NAT8L: variants seen among roughly 807,000 people sequenced by gnomAD.
The protein encoded by NAT8L is aspartate N-acetyltransferase.
Under a neutral mutation model 21.2 loss-of-function variants are expected in NAT8L, and 6 were observed. The observed-to-expected ratio is 0.28, with a 90% CI of 0.16 to 0.56. The LOEUF (loss-of-function observed/expected upper bound fraction) is 0.56. NAT8L is among the 20% of genes least tolerant of loss of function. NAT8L has a pLI of 0.93. For synonymous variants in NAT8L, 239 were observed against 204.9 expected (o/e 1.17, Z -1.42); for missense variants, 331 against 433.3 (o/e 0.76, Z 2.10).
chr4:2,062,070 G>T (rs1334263834), intron 2 of NAT8L, among the ~76,000 whole-genome samples: 1 of 152,214 alleles, frequency 6.6e-6, no homozygotes, highest in Non-Finnish European at 1.5e-5. Flanking sequence ...AGGGGAAACG[G>T]GCCATGAGGA....
intron 2 of NAT8L, among the ~76,000 whole-genome samples, chr4:2,062,799 C>G (rs1315674453): frequency 6.6e-6 from 1 of 152,154 alleles, no homozygotes; most frequent in Admixed American, 6.5e-5. Flanking sequence ...GGTGCAGAGC[C>G]TCCTTGAGTA....
At position 2,059,486 on chromosome 4, in the gene NAT8L, C is replaced by T. The variant is rs1407658362; in HGVS notation, c.-26C>T. On this transcript the variant is annotated 5_prime_UTR_variant, in exon 1 of 3. Transcript: ENST00000423729. The surrounding 1 kb of genome is among the most constrained non-coding windows in gnomAD (Gnocchi z 4.8). ...GCCCGCCGCCGCCCGGCCGCGTCCC[C>T]GCTGCCGCGCCGCCCGGCCGGGTGC... 2.1e-6 allele frequency: 2 copies of T among 964,464 alleles called. No homozygotes were observed. The highest frequency in any genetic ancestry group is 1.8e-5 in the African/African-American group (1 of 55,780). 59.7% of individuals were successfully genotyped at this position (964,464 alleles called of 1,614,324 possible). A position where few individuals can be genotyped will look rare whatever the true frequency, so the allele number is the denominator to read the frequency against.
chr4:2,059,930 G>T lies in NAT8L; in HGVS notation c.376+43G>T. On this transcript the variant is annotated intron_variant, in intron 1 of 2. Coordinates refer to ENST00000423729, the MANE Select transcript of NAT8L (RefSeq NM_178557.4). This position sits in a 1 kb window ranked among gnomAD's most constrained non-coding sequence, Gnocchi z 4.8. ...CCGGCTGCCGCAGTCCCTCGGGCCG[G>T]CGCGGAGCTCCCCCGCCCCGGCGTC... 9.0e-7 allele frequency: 1 copy of T among 1,113,380 alleles called. No individual in the cohort carries two copies. The highest frequency in any genetic ancestry group is 1.1e-6 in the Non-Finnish European group (1 of 900,450). The allele number at this position is 1,113,380 out of a possible 1,614,324, so 69.0% of individuals were successfully genotyped here.
chr4:2,064,290 C>A lies in NAT8L; in HGVS notation c.*163C>A. ...CTGGCTGGTTCCGGGGGGTGCGGGG[C>A]TGTTGTTCTTCGGCGACACTTTGGT... On this transcript the variant is annotated 3_prime_UTR_variant, in exon 3 of 3. Transcript: ENST00000423729. 1 of 362,738 alleles carries A rather than the reference C, an allele frequency of 2.8e-6. No individual in the cohort carries two copies. Among genetic ancestry groups the A allele is most frequent in the Non-Finnish European group, 4.3e-6 (1 of 232,842 alleles). The allele number at this position is 362,738 out of a possible 1,614,324, so 22.5% of individuals were successfully genotyped here.
At chr4:2,062,522 G>A (rs570044564) in intron 2 of NAT8L, among the ~76,000 whole-genome samples, 5 of 151,980 alleles carry the variant, frequency 3.3e-5, no homozygotes, top group Non-Finnish European at 7.4e-5. Flanking sequence ...ACAGGGGGCC[G>A]AGGAGGGGCA....
At position 2,060,496 on chromosome 4, in the gene NAT8L, G is replaced by A. The variant is rs3135160; in HGVS notation, c.377-502G>A. ...CGGCAGCCGAAATGCGGCTGGAAGCGGTGTGGGGCCTCCCTGCCCTGTCCC... is the reference window on the plus strand; with the variant it reads ...CGGCAGCCGAAATGCGGCTGGAAGCAGTGTGGGGCCTCCCTGCCCTGTCCC... On this transcript the variant is annotated intron_variant, in intron 1 of 2. Coordinates refer to ENST00000423729, the MANE Select transcript of NAT8L (RefSeq NM_178557.4). This position sits in a 1 kb window ranked among gnomAD's most constrained non-coding sequence, Gnocchi z 4.7. 0.74 allele frequency among the ~76,000 whole-genome samples: 112,055 copies of A among 152,166 alleles called. 44,460 individuals carry two copies. Among genetic ancestry groups the A allele is most frequent in the Non-Finnish European group, 0.89 (60,298 of 67,986 alleles).
chr4:2,059,990 C>T lies in NAT8L; in HGVS notation c.376+103C>T. 1 of 628,982 alleles carries T rather than the reference C, an allele frequency of 1.6e-6. No individual in the cohort carries two copies. Among genetic ancestry groups the T allele is most frequent in the South Asian group, 7.5e-5 (1 of 13,356 alleles). 39.0% of individuals were successfully genotyped at this position (628,982 alleles called of 1,614,324 possible). A position where few individuals can be genotyped will look rare whatever the true frequency, so the allele number is the denominator to read the frequency against. Reference sequence around the variant, plus strand: ...CCCGCGCCCGGCTCCCGGGGACCAGCCTGGGAAGCCCCCCGCTTTCTGCCG... The same window carrying T: ...CCCGCGCCCGGCTCCCGGGGACCAGTCTGGGAAGCCCCCCGCTTTCTGCCG... On this transcript the variant is annotated intron_variant, in intron 1 of 2. Coordinates refer to ENST00000423729, the MANE Select transcript of NAT8L (RefSeq NM_178557.4). This position sits in a 1 kb window ranked among gnomAD's most constrained non-coding sequence, Gnocchi z 4.8.
chr4:2,061,337 G>T (rs1174430157), intron 2 of NAT8L, among the ~76,000 whole-genome samples, 175 bp downstream of exon 2: 1 of 152,250 alleles, frequency 6.6e-6, no homozygotes, highest in African/African-American at 2.4e-5. Context: ...CGGGGCTGGG[G>T]GAGGCACGGC....
rs1412174570 is a variant in NAT8L at position 2,067,713 on chromosome 4, ACCTT to A, written c.*3590_*3593del. On this transcript the variant is annotated 3_prime_UTR_variant, in exon 3 of 3. Coordinates refer to ENST00000423729, the MANE Select transcript of NAT8L (RefSeq NM_178557.4). ...GGGCTGTGTGGGCCCTCGTGGGGCC[ACCTT>A]CCTGTCAGTGCCCGAGGGACGGTGG... 1 of 152,212 alleles carries A rather than the reference ACCTT, an allele frequency of 6.6e-6. No homozygotes were observed. 9.4% of individuals were successfully genotyped at this position (152,212 alleles called of 1,614,324 possible). A position where few individuals can be genotyped will look rare whatever the true frequency, so the allele number is the denominator to read the frequency against.
Position 2,066,525 on chromosome 4 carries a change from C to T in NAT8L, c.*2398C>T, listed in dbSNP as rs1232731067. 3 of 152,218 alleles carry T rather than the reference C, an allele frequency of 2.0e-5. No homozygotes were observed. The highest frequency in any genetic ancestry group is 7.2e-5 in the African/African-American group (3 of 41,442). 9.4% of individuals were successfully genotyped at this position (152,218 alleles called of 1,614,324 possible). On this transcript the variant is annotated 3_prime_UTR_variant, in exon 3 of 3. Coordinates refer to ENST00000423729, the MANE Select transcript of NAT8L (RefSeq NM_178557.4). ...CCACTGGGGGGTAGGTGTGTCCTCC[C>T]CCGGGGCTGGAGGCCGGGTGCCTGG...
chr4:2,061,585 G>T (rs1729891074), intron 2 of NAT8L, among the ~76,000 whole-genome samples: 1 of 152,202 alleles, frequency 6.6e-6, no homozygotes, highest in Non-Finnish European at 1.5e-5. Flanking sequence ...TGGGGTGGGG[G>T]CAGGGGACCT....
Position 2,066,368 on chromosome 4 carries a change from G to T in NAT8L, c.*2241G>T. 1 of 152,496 alleles carries T rather than the reference G, an allele frequency of 6.6e-6. No homozygotes were observed. The highest frequency in any genetic ancestry group is 1.5e-5 in the Non-Finnish European group (1 of 68,158). The allele number at this position is 152,496 out of a possible 1,614,324, so 9.4% of individuals were successfully genotyped here. A position where few individuals can be genotyped will look rare whatever the true frequency, so the allele number is the denominator to read the frequency against. ...ACTTGGTAGAGATGGCAGGAAGGGT[G>T]TGCGGGGTGGTTGTGTGCAGAACCC... On this transcript the variant is annotated 3_prime_UTR_variant, in exon 3 of 3. Transcript: ENST00000423729.
intron 2 of NAT8L, among the ~76,000 whole-genome samples, chr4:2,061,854 G>A (rs1344918332): frequency 1.3e-5 from 2 of 152,284 alleles, no homozygotes; most frequent in East Asian, 1.9e-4. Context: ...GTAGGCCAAC[G>A]AGAGGGACAG....
chr4:2,061,307 A>G (rs1180673671), intron 2 of NAT8L, 145 bp downstream of exon 2: 1 of 1,449,774 alleles, frequency 6.9e-7, no homozygotes, highest in African/African-American at 1.4e-5. Flanking sequence ...CTTCTGGGTG[A>G]CCGAGGCCTC....
Position 2,064,076 on chromosome 4 carries a change from C to G in NAT8L, c.858C>G (p.Leu286=). ...PGMTLSLAER[L]FFQVRYHRYR... is the part of the protein sequence containing the mutation. ...TGACCCTCTCGCTGGCTGAGCGCCT[C>G]TTCTTCCAGGTCCGCTACCACCGCT... is the stretch of plus-strand genomic sequence containing the variant. Residue 286 remains leucine, a synonymous_variant, in exon 3 of 3, where the codon CTC becomes CTG. Transcript: ENST00000423729. 3 of 1,608,234 alleles carry G rather than the reference C, an allele frequency of 1.9e-6. No homozygotes were observed. The highest frequency in any genetic ancestry group is 2.5e-6 in the Non-Finnish European group (3 of 1,179,114).
intron 2 of NAT8L, among the ~76,000 whole-genome samples, chr4:2,061,703 C>T (rs933084352): frequency 6.6e-6 from 1 of 151,972 alleles, no homozygotes; most frequent in Non-Finnish European, 1.5e-5. Context: ...TGGGTCTGGG[C>T]TCTAGGGGGG....
chr4:2,059,896 G>A lies in NAT8L; in HGVS notation c.376+9G>A, dbSNP rs1214033955. The A allele has an allele frequency of 7.8e-7, 1 of 1,282,614 alleles. No individual in the cohort carries two copies. The highest frequency in any genetic ancestry group is 1.0e-6 in the Non-Finnish European group (1 of 1,004,494). The allele number at this position is 1,282,614 out of a possible 1,614,324, so 79.5% of individuals were successfully genotyped here. ...CTACGCCCTGCTGGCGGGTCAGTGC[G>A]CCGGGCCCCCGGCTGCCGCAGTCCC... On this transcript the variant is annotated intron_variant, in intron 1 of 2. Coordinates refer to ENST00000423729, the MANE Select transcript of NAT8L (RefSeq NM_178557.4). The surrounding 1 kb of genome is among the most constrained non-coding windows in gnomAD (Gnocchi z 4.8).
chr4:2,059,788 C>G lies in NAT8L; in HGVS notation c.277C>G (p.Arg93Gly). The G allele has an allele frequency of 7.3e-7, 1 of 1,369,762 alleles. No individual in the cohort carries two copies. The highest frequency in any genetic ancestry group is 2.6e-5 in the Admixed American group (1 of 39,144). The allele number at this position is 1,369,762 out of a possible 1,614,324, so 84.9% of individuals were successfully genotyped here. The change falls in exon 1 of 3, where the codon CGC (arginine) becomes GGC (glycine). Residue 93 changes from arginine to glycine, a missense_variant. Physicochemically the swap from Arg to Gly is moderately radical, Grantham distance 125 (BLOSUM62 -2). This residue lies in a region of NAT8L where 199 missense variants were observed against 196.1 expected (regional missense o/e 1.01). Coordinates refer to ENST00000423729, the MANE Select transcript of NAT8L (RefSeq NM_178557.4). The surrounding 1 kb of genome is among the most constrained non-coding windows in gnomAD (Gnocchi z 4.8). ...TGCGGCCGAGCAGGAGGCGGCGCGCCGCATCTTCTACGACGGCATCATGGA... is the reference window on the plus strand; with the variant it reads ...TGCGGCCGAGCAGGAGGCGGCGCGCGGCATCTTCTACGACGGCATCATGGA... The part of the protein sequence containing the change: ...FRAAEQEAAR[R>G]IFYDGIMERI...
At position 2,063,929 on chromosome 4, in the gene NAT8L, G is replaced by C. The variant is rs770514270; in HGVS notation, c.711G>C (p.Val237=). ...ALGRKVLEFA[V]VHNYSAVVLG... ...GCCGGAAGGTGCTGGAGTTCGCCGT[G>C]GTGCACAACTACTCCGCGGTGGTGC... The change falls in exon 3 of 3, where the codon GTG becomes GTC. Residue 237 remains valine (V), a synonymous_variant. Coordinates refer to ENST00000423729, the MANE Select transcript of NAT8L (RefSeq NM_178557.4). 6 of 1,611,936 alleles carry C rather than the reference G, an allele frequency of 3.7e-6. No individual in the cohort carries two copies. Among genetic ancestry groups the C allele is most frequent in the Non-Finnish European group, 5.1e-6 (6 of 1,179,838 alleles).
Sources: gnomAD v4.1 joint callset for allele counts (sites outside exome capture counted in the v4.1 genomes callset) on GRCh38, gnomAD v4.1.1 for gene constraint, gnomAD v4.1.1 regional missense constraint, Gnocchi (gnomAD v3.1) non-coding constraint, MANE v1.5 for transcripts, NCBI Gene and HGNC (gene_info 2026-07-23, HGNC 2026-07-21) for gene names.